SLC35F4: variants seen among roughly 807,000 people sequenced by gnomAD.
SLC35F4 encodes the protein solute carrier family 35 member F4.
Under a neutral mutation model 44.2 loss-of-function variants are expected in SLC35F4, and 24 were observed. The ratio of observed to expected loss-of-function variants is 0.54; its 90% CI spans 0.39 to 0.76. The LOEUF is 0.76. Ranked by LOEUF, SLC35F4 falls within the 30% of genes least tolerant of loss-of-function variation. The pLI is 0.00. For synonymous variants in SLC35F4, 238 were observed against 223.6 expected (o/e 1.06, Z -0.57); for missense variants, 562 against 586.1 (o/e 0.96, Z 0.42).
At chr14:57,970,240 G>A (rs1881011906) in intron 1 of SLC35F4, among the ~76,000 whole-genome samples, 1 of 152,164 alleles carries the variant, frequency 6.6e-6, no homozygotes, top group Non-Finnish European at 1.5e-5. Context: ...TGCAAAATGG[G>A]AGCAAATGTA....
intron 1 of SLC35F4, among the ~76,000 whole-genome samples, chr14:57,839,828 T>A (rs1337047321): frequency 6.6e-6 from 1 of 152,162 alleles, no homozygotes; most frequent in East Asian, 1.9e-4. Context: ...CCCAGGCATC[T>A]GTATTTTTTA....
At chr14:57,856,816 A>T (rs1887146730) in intron 1 of SLC35F4, among the ~76,000 whole-genome samples, 1 of 152,104 alleles carries the variant, frequency 6.6e-6, no homozygotes, top group African/African-American at 2.4e-5. Context: ...TTCACTAGTA[A>T]TAGAGAATTT....
At chr14:57,692,760 A>T (rs568026876) in intron 1 of SLC35F4, among the ~76,000 whole-genome samples, 1 of 152,238 alleles carries the variant, frequency 6.6e-6, no homozygotes, top group Non-Finnish European at 1.5e-5. Flanking sequence ...AAGGAGATAC[A>T]ATTTAACTGA....
intron 1 of SLC35F4, among the ~76,000 whole-genome samples, chr14:57,616,094 CTT>C (rs1419030029): frequency 6.6e-6 from 1 of 152,180 alleles, no homozygotes; most frequent in African/African-American, 2.4e-5. Context: ...CATTTTAACT[CTT>C]TTAAGTGTAA....
chr14:57,670,218 T>C (rs927377901), intron 1 of SLC35F4, among the ~76,000 whole-genome samples: 2 of 152,156 alleles, frequency 1.3e-5, no homozygotes, highest in Non-Finnish European at 2.9e-5. Flanking sequence ...GATTCTTCTC[T>C]CTTTTCTTCT....
intron 1 of SLC35F4, among the ~76,000 whole-genome samples, chr14:57,940,261 A>G (rs1889892146): frequency 6.6e-6 from 1 of 152,178 alleles, no homozygotes; most frequent in South Asian, 2.1e-4. Flanking sequence ...CTCCAAAGCA[A>G]TTCTCTTGAT....
At chr14:57,886,999 T>C (rs1888663772) in intron 1 of SLC35F4, among the ~76,000 whole-genome samples, 1 of 152,134 alleles carries the variant, frequency 6.6e-6, no homozygotes, top group African/African-American at 2.4e-5. Flanking sequence ...AATGTCACTC[T>C]GTTCCATGCT....
chr14:57,680,843 C>T (rs1250201615), intron 1 of SLC35F4, among the ~76,000 whole-genome samples: 1 of 152,068 alleles, frequency 6.6e-6, no homozygotes, highest in Non-Finnish European at 1.5e-5. Context: ...AAGAGAACTA[C>T]AAACCACTGC....
intron 1 of SLC35F4, among the ~76,000 whole-genome samples, chr14:57,710,333 T>C (rs888947152): frequency 6.6e-6 from 1 of 152,196 alleles, no homozygotes; most frequent in Non-Finnish European, 1.5e-5. Flanking sequence ...TTTTAGAGGA[T>C]GTATGAAAAT....
chr14:57,970,334 G>A (rs959241813), intron 1 of SLC35F4, among the ~76,000 whole-genome samples: 1 of 152,128 alleles, frequency 6.6e-6, no homozygotes, highest in Non-Finnish European at 1.5e-5. Context: ...AATTCAGCTT[G>A]ATCATCACTT....
intron 1 of SLC35F4, chr14:57,595,849 T>C (rs2070457049): frequency 6.6e-6 from 1 of 152,334 alleles, no homozygotes; most frequent in South Asian, 2.1e-4. Context: ...TAATCACTTC[T>C]CCAAGCATTT....
At chr14:57,692,056 G>C (rs1029092816) in intron 1 of SLC35F4, among the ~76,000 whole-genome samples, 1 of 152,208 alleles carries the variant, frequency 6.6e-6, no homozygotes, top group Non-Finnish European at 1.5e-5. Flanking sequence ...AAACTAGATT[G>C]TGATGAGATC....
chr14:57,693,790 G>A lies in SLC35F4; in HGVS notation c.104-99666C>T, dbSNP rs113316917. The stretch of plus-strand genomic sequence containing the variant: ...GGGTCTCCCCGACTGAGCTGGTCTC[G>A]GCAATTTGTCCCCTAACTTTTTTTT... On this transcript the variant is annotated intron_variant, in intron 1 of 7. Transcript: ENST00000556826. 6.6e-5 allele frequency among the ~76,000 whole-genome samples: 10 copies of A among 152,118 alleles called. 1 individual carries two copies. Among genetic ancestry groups the A allele is most frequent in the South Asian group, 4.1e-4 (2 of 4,820 alleles).
Position 57,865,818 on chromosome 14 carries a change from A to C in SLC35F4, c.8T>G (p.Val3Gly). 1 of 1,516,690 alleles carries C rather than the reference A, an allele frequency of 6.6e-7. No homozygotes were observed. Among genetic ancestry groups the C allele is most frequent in the South Asian group, 1.2e-5 (1 of 81,228 alleles). 94.0% of individuals were successfully genotyped at this position (1,516,690 alleles called of 1,614,324 possible). The stretch of plus-strand genomic sequence containing the variant: ...GGCCACCCCGTTGGGGGCCGCCTTG[A>C]CATCCATAGAGAGCGCGGGGCGACG... MDVKAAPNGVATI... is the reference protein window; with the variant it reads MDGKAAPNGVATI... The change falls in exon 1 of 8, where the codon GTC becomes GGC. Residue 3 changes from valine (V) to glycine (G), a missense_variant. Transcript: ENST00000556826.
At chr14:57,695,601 A>T (rs1287481554) in intron 1 of SLC35F4, among the ~76,000 whole-genome samples, 3 of 151,888 alleles carry the variant, frequency 2.0e-5, no homozygotes, top group Non-Finnish European at 4.4e-5. Context: ...ACCATTGTGG[A>T]AGTCAGTGTG....
intron 1 of SLC35F4, among the ~76,000 whole-genome samples, chr14:57,853,746 G>A (rs950935357): frequency 1.3e-5 from 2 of 152,136 alleles, no homozygotes; most frequent in Non-Finnish European, 2.9e-5. Context: ...ACAAGAATGG[G>A]GAGCATGTGC....
chr14:57,704,377 G>T (rs1231569464), intron 1 of SLC35F4, among the ~76,000 whole-genome samples: 1 of 152,176 alleles, frequency 6.6e-6, no homozygotes, highest in Non-Finnish European at 1.5e-5. Context: ...CATTTATATA[G>T]TAAGTGTCAA....
At chr14:57,667,367 T>C (rs989409802) in intron 1 of SLC35F4, among the ~76,000 whole-genome samples, 1 of 144,314 alleles carries the variant, frequency 6.9e-6, no homozygotes, top group African/African-American at 2.7e-5. Context: ...CTTTAAGTTT[T>C]AGGGTACATG....
chr14:57,710,161 G>A (rs2075781786), intron 1 of SLC35F4, among the ~76,000 whole-genome samples: 2 of 152,242 alleles, frequency 1.3e-5, no homozygotes, highest in Admixed American at 1.3e-4. Flanking sequence ...GGTGTCCTGT[G>A]TCCCAGCTGC....
Sources: allele counts gnomAD v4.1 joint callset (sites outside exome capture counted in the v4.1 genomes callset), GRCh38; gene constraint gnomAD v4.1.1; transcripts MANE v1.5; gene names NCBI Gene and HGNC (gene_info 2026-07-23, HGNC 2026-07-21).